Variants in DYNC2H1 observed in about 807,000 individuals in gnomAD.
The protein encoded by DYNC2H1 is dynein cytoplasmic 2 heavy chain 1, also known as cytoplasmic dynein 2 heavy chain 1.
A neutral mutation model predicts 570.0 loss-of-function variants in DYNC2H1; 410 were observed. That is an observed-to-expected ratio of 0.72 (90% CI 0.66 to 0.78). The LOEUF is 0.78. Among genes scored for constraint, DYNC2H1 ranks in the 30% least tolerant of loss-of-function variants. DYNC2H1 has a pLI of 0.00. For synonymous variants in DYNC2H1, 1,688 were observed against 1,677.6 expected, an observed-to-expected ratio of 1.01 and a Z score of -0.15; for missense variants, 4,865 against 5,046.4, an observed-to-expected ratio of 0.96 and a Z score of 1.09.
At chr11:103,233,956 C>T in intron 60 of DYNC2H1, 78 bp from the exon 61 acceptor site, 8 of 1,334,772 alleles carry the variant, frequency 6.0e-6, no homozygotes, top group Non-Finnish European at 7.9e-6. Context: ...TAAAAGTTTA[C>T]TTTATTACCT....
chr11:103,132,347 A>G (rs1178448215), intron 13 of DYNC2H1, among the ~76,000 whole-genome samples: 3 of 151,578 alleles, frequency 2.0e-5, no homozygotes, highest in Admixed American at 2.0e-4. Flanking sequence ...CATTTTTTTT[A>G]TAATTCTATT....
intron 65 of DYNC2H1, among the ~76,000 whole-genome samples, chr11:103,246,999 C>CTT (rs369365481): frequency 5.6e-5 from 8 of 144,054 alleles, no homozygotes; most frequent in Non-Finnish European, 7.6e-5. Context: ...TCTCTCTCTC[C>CTT]TTTTTTTTTT....
At chr11:103,441,063 A>G (rs1944251744) in intron 85 of DYNC2H1, among the ~76,000 whole-genome samples, 2 of 152,136 alleles carry the variant, frequency 1.3e-5, no homozygotes, top group South Asian at 4.1e-4. Flanking sequence ...TTGAGTATCA[A>G]AATCCTTACA....
Position 103,244,246 on chromosome 11 carries a change from T to C in DYNC2H1, c.9918+455T>C, listed in dbSNP as rs960446048. Among the ~76,000 whole-genome samples the C allele has an allele frequency of 1.3e-5, 2 of 152,088 alleles. No homozygotes were observed. Among genetic ancestry groups the C allele is most frequent in the Non-Finnish European group, 2.9e-5 (2 of 67,954 alleles). ...CTCATTGACAGACATCTTTAATGTATCCCAAGATTTGATAATTGTTCAGTG... is the reference window on the plus strand; with the variant it reads ...CTCATTGACAGACATCTTTAATGTACCCCAAGATTTGATAATTGTTCAGTG... On this transcript the variant is annotated intron_variant, in intron 64 of 88. Transcript: ENST00000375735. This position sits in a 1 kb window ranked among gnomAD's most constrained non-coding sequence, Gnocchi z 4.3.
At position 103,211,177 on chromosome 11, in the gene DYNC2H1, G is replaced by T. The variant is rs146446620; in HGVS notation, c.8540-612G>T. On this transcript the variant is annotated intron_variant, in intron 53 of 88. Transcript: ENST00000375735. ...ACTTGATGATTATGTAATGGCTGTG[G>T]CACACAAGAAGAAGAAAGAGTCGAG... Among the ~76,000 whole-genome samples the T allele has an allele frequency of 7.1e-4, 103 of 145,550 alleles. No individual in the cohort carries two copies. In the East Asian group the frequency reaches 7.2e-3, roughly 10 times the overall value.
chr11:103,417,220 C>CA (rs1565581162), intron 84 of DYNC2H1, among the ~76,000 whole-genome samples: 2 of 152,176 alleles, frequency 1.3e-5, no homozygotes, highest in African/African-American at 4.8e-5. Flanking sequence ...GCTGAGACTA[C>CA]AGGCGCATGC....
rs1206620198 is a variant in DYNC2H1 at position 103,459,964 on chromosome 11, AAAAAG to A, written c.12648+3613_12648+3617del. 4.7e-5 allele frequency among the ~76,000 whole-genome samples: 7 copies of A among 150,528 alleles called. No individual in the cohort carries two copies. The East Asian group carries it at 8.6e-4, about 18-fold the overall frequency. On this transcript the variant is annotated intron_variant, in intron 87 of 88. Coordinates refer to ENST00000375735, the MANE Select transcript of DYNC2H1 (RefSeq NM_001377.3). ...ACAGAGCGAGACTCCGTCTCAAAAAAAAAAGAAAAAAAAAAAAAAGCTGAAGGACT... is the reference window on the plus strand; with the variant it reads ...ACAGAGCGAGACTCCGTCTCAAAAAAAAAAAAAAAAAAAAGCTGAAGGACT...
chr11:103,452,733 T>G (rs1944653705), intron 85 of DYNC2H1, among the ~76,000 whole-genome samples: 1 of 152,036 alleles, frequency 6.6e-6, no homozygotes, highest in Non-Finnish European at 1.5e-5. Flanking sequence ...TACTATTTAT[T>G]TCTTACATAG....
chr11:103,192,644 C>T (rs1296199536), intron 47 of DYNC2H1, among the ~76,000 whole-genome samples: 2 of 152,124 alleles, frequency 1.3e-5, no homozygotes, highest in South Asian at 2.1e-4. Context: ...ATTCCTGTCA[C>T]TACGTATAAT....
intron 85 of DYNC2H1, among the ~76,000 whole-genome samples, chr11:103,442,882 T>C (rs1169741866): frequency 2.0e-5 from 3 of 151,990 alleles, no homozygotes; most frequent in African/African-American, 7.2e-5. Context: ...TTTCCCTGCA[T>C]GTAACCAGTG....
intron 82 of DYNC2H1, among the ~76,000 whole-genome samples, chr11:103,328,889 A>C (rs78037377): frequency 1.2e-4 from 18 of 152,252 alleles, no homozygotes; most frequent in African/African-American, 4.1e-4. Flanking sequence ...CAAAAGCAAG[A>C]GACTTTGGGT....
rs146067403 is a variant in DYNC2H1, at chr11:103,158,886, A to G, written c.4261-24A>G. ...TTAATTATCTGAAAAAAAGAAAGCT[A>G]TTTTTTGTTTCTATTTTTATTAGGA... On this transcript the variant is annotated intron_variant, in intron 27 of 88. Coordinates refer to ENST00000375735, the MANE Select transcript of DYNC2H1 (RefSeq NM_001377.3). The G allele has an allele frequency of 9.0e-4, 1,404 of 1,563,700 alleles. 10 individuals carry two copies. The African/African-American group carries it at 0.016, about 17-fold the overall frequency.
At chr11:103,127,470 G>A (rs1400120236) in intron 12 of DYNC2H1, among the ~76,000 whole-genome samples, 4 of 152,112 alleles carry the variant, frequency 2.6e-5, no homozygotes, top group Non-Finnish European at 5.9e-5. Context: ...TATTTTTGTG[G>A]TACAGAATAA....
rs777190949 is a variant in DYNC2H1, at chr11:103,455,317, A to AC, written c.12566+24dup. 6.3e-6 allele frequency: 10 copies of AC among 1,598,682 alleles called. No homozygotes were observed. The South Asian group carries it at 9.9e-5, about 16-fold the overall frequency. On this transcript the variant is annotated intron_variant, in intron 86 of 88. Transcript: ENST00000375735. ...CAAGGTAATTAAAATGAAATACTTT[A>AC]CCTATTTGTCCCTGACGGTAATTAG...
intron 71 of DYNC2H1, among the ~76,000 whole-genome samples, chr11:103,281,659 G>T (rs1464510207): frequency 6.6e-6 from 1 of 151,118 alleles, no homozygotes; most frequent in African/African-American, 2.4e-5. Flanking sequence ...CCATGGGGAA[G>T]GTGTAGATTT....
intron 85 of DYNC2H1, among the ~76,000 whole-genome samples, chr11:103,438,100 T>A (rs1041900510): frequency 6.6e-6 from 1 of 152,088 alleles, no homozygotes; most frequent in African/African-American, 2.4e-5. Context: ...AAGATAATGT[T>A]CAGGACTGAC....
chr11:103,344,294 G>A lies in DYNC2H1; in HGVS notation c.12040-13949G>A, dbSNP rs554112064. Among the ~76,000 whole-genome samples, 7 of 152,252 alleles carry A rather than the reference G, an allele frequency of 4.6e-5. No homozygotes were observed. The East Asian group carries it at 1.4e-3, about 29-fold the overall frequency. On this transcript the variant is annotated intron_variant, in intron 82 of 88. Coordinates refer to ENST00000375735, the MANE Select transcript of DYNC2H1 (RefSeq NM_001377.3). ...ATGAAACAAAATATTCTAATAATAG[G>A]ATAGACATTTTCGTATTGTATAGAC...
intron 83 of DYNC2H1, among the ~76,000 whole-genome samples, chr11:103,387,360 C>G (rs1329213699): frequency 6.6e-6 from 1 of 152,122 alleles, no homozygotes; most frequent in African/African-American, 2.4e-5. Context: ...TTGTTTTTCT[C>G]TTGCAAATTT....
At chr11:103,413,173 C>T (rs1943151192) in intron 84 of DYNC2H1, among the ~76,000 whole-genome samples, 1 of 152,200 alleles carries the variant, frequency 6.6e-6, no homozygotes, top group African/African-American at 2.4e-5. Flanking sequence ...ATCTCCACTA[C>T]ACTTTGTGAA....
Sources: gnomAD v4.1 joint callset for allele counts (sites outside exome capture counted in the v4.1 genomes callset) on GRCh38, gnomAD v4.1.1 for gene constraint, Gnocchi (gnomAD v3.1) non-coding constraint, MANE v1.5 for transcripts, NCBI Gene and HGNC (gene_info 2026-07-23, HGNC 2026-07-21) for gene names.